The following STAC variants were observed in gnomAD, a reference collection of about 807,000 sequenced individuals.
STAC encodes SH3 and cysteine-rich domain-containing protein.
In STAC, 43 loss-of-function variants were observed where a neutral mutation model predicts 48.8. The observed-to-expected ratio is 0.88, with a 90% CI of 0.69 to 1.14. The LOEUF (loss-of-function observed/expected upper bound fraction) is 1.14. Among genes scored for constraint, STAC ranks in the 50% most tolerant of loss-of-function variants. The pLI is 0.00. For synonymous variants in STAC, 193 were observed against 179.5 expected, an observed-to-expected ratio of 1.07 and a Z score of -0.60; for missense variants, 497 against 504.0, an observed-to-expected ratio of 0.99 and a Z score of 0.13.
intron 2 of STAC, among the ~76,000 whole-genome samples, chr3:36,463,853 C>A (rs371989777): frequency 0.031 from 4,750 of 151,974 alleles, 219 homozygotes; most frequent in African/African-American, 0.11. Flanking sequence ...TGAACTCATC[C>A]TTTTTTATGG....
At chr3:36,445,041 T>A (rs1340507998) in intron 2 of STAC, among the ~76,000 whole-genome samples, 1 of 152,242 alleles carries the variant, frequency 6.6e-6, no homozygotes, top group Non-Finnish European at 1.5e-5. Context: ...TTCAAGGCAG[T>A]GTTATTCATA....
chr3:36,472,652 C>T (rs2125692665), intron 2 of STAC, among the ~76,000 whole-genome samples: 1 of 152,310 alleles, frequency 6.6e-6, no homozygotes, highest in South Asian at 2.1e-4. Flanking sequence ...ATCTCTAGGG[C>T]AGGGGCAAAA....
At chr3:36,533,904 A>G (rs1363132072) in intron 10 of STAC, among the ~76,000 whole-genome samples, 1 of 152,160 alleles carries the variant, frequency 6.6e-6, no homozygotes, top group Non-Finnish European at 1.5e-5. Context: ...GGTTTCTTAT[A>G]TAGGCAAATT....
At chr3:36,503,035 AG>A (rs1391003837) in intron 6 of STAC, among the ~76,000 whole-genome samples, 1 of 152,222 alleles carries the variant, frequency 6.6e-6, no homozygotes, top group Non-Finnish European at 1.5e-5. Context: ...GGCTATTTTA[AG>A]AACAGTAAAG....
At chr3:36,398,999 C>T (rs921315888) in intron 1 of STAC, among the ~76,000 whole-genome samples, 3 of 152,206 alleles carry the variant, frequency 2.0e-5, no homozygotes, top group Non-Finnish European at 2.9e-5. Context: ...TGTGGTCTCA[C>T]GTGAAGTCTT....
chr3:36,438,939 T>A (rs1696234504), intron 1 of STAC, among the ~76,000 whole-genome samples: 1 of 152,206 alleles, frequency 6.6e-6, no homozygotes, highest in Admixed American at 6.5e-5. Context: ...TTTATCACTT[T>A]TTAGAAATTT....
intron 2 of STAC, among the ~76,000 whole-genome samples, chr3:36,466,518 TA>T (rs1345818638): frequency 6.6e-6 from 1 of 152,236 alleles, no homozygotes; most frequent in African/African-American, 2.4e-5. Context: ...CAATATTGAT[TA>T]AACCCATTCA....
intron 2 of STAC, among the ~76,000 whole-genome samples, chr3:36,455,478 C>G (rs559754836): frequency 1.3e-5 from 2 of 152,320 alleles, no homozygotes; most frequent in African/African-American, 4.8e-5. Context: ...GAGAGGCTGC[C>G]TGCCTTTTGA....
intron 10 of STAC, among the ~76,000 whole-genome samples, chr3:36,536,085 A>C (rs1699191732): frequency 6.6e-6 from 1 of 152,110 alleles, no homozygotes; most frequent in South Asian, 2.1e-4. Flanking sequence ...TCAGCTGTAA[A>C]TCTGTCTGGT....
At chr3:36,514,191 C>A (rs929909193) in intron 8 of STAC, among the ~76,000 whole-genome samples, 1 of 136,126 alleles carries the variant, frequency 7.3e-6, no homozygotes, top group Non-Finnish European at 1.6e-5. Context: ...TCTGATCCAT[C>A]TACACTGGCC....
Position 36,431,195 on chromosome 3 carries a change from C to G in STAC, c.112-12169C>G, listed in dbSNP as rs142316900. On this transcript the variant is annotated intron_variant, in intron 1 of 10. Coordinates refer to ENST00000273183, the MANE Select transcript of STAC (RefSeq NM_003149.3). ...CTCACTGCTCTCAACAGTTTTTCTA[C>G]CTTTTAGACAGCCAGCCAGCCATCA... 1.5e-3 allele frequency among the ~76,000 whole-genome samples: 228 copies of G among 152,080 alleles called. 2 individuals are homozygous for G. The highest frequency in any genetic ancestry group is 5.1e-3 in the African/African-American group (210 of 41,544).
At chr3:36,516,545 A>G (rs1698677090) in intron 8 of STAC, among the ~76,000 whole-genome samples, 1 of 152,166 alleles carries the variant, frequency 6.6e-6, no homozygotes, top group Non-Finnish European at 1.5e-5. Context: ...CTTCCTTTAT[A>G]AATTAATTTG....
At chr3:36,523,965 CAGA>C (rs2125728028) in intron 8 of STAC, among the ~76,000 whole-genome samples, 1 of 152,270 alleles carries the variant, frequency 6.6e-6, no homozygotes, top group Non-Finnish European at 1.5e-5. Flanking sequence ...AAGGGCAACA[CAGA>C]AGGTTGCTGT....
intron 1 of STAC, among the ~76,000 whole-genome samples, chr3:36,429,044 T>C (rs560640383): frequency 1.3e-5 from 2 of 152,292 alleles, no homozygotes; most frequent in Non-Finnish European, 2.9e-5. Flanking sequence ...AGAGGTAGTA[T>C]GAAGTAGGTG....
rs867355253 is a variant in STAC at position 36,492,057 on chromosome 3, T to A, written c.688-1094T>A. Among the ~76,000 whole-genome samples the A allele has an allele frequency of 2.0e-3, 168 of 83,342 alleles. 2 individuals carry two copies. The highest frequency in any genetic ancestry group is 6.8e-3 in the African/African-American group (147 of 21,536). 54.7% of individuals were successfully genotyped at this position (83,342 alleles called of 152,430 possible). A position where few individuals can be genotyped will look rare whatever the true frequency, so the allele number is the denominator to read the frequency against. On this transcript the variant is annotated intron_variant, in intron 5 of 10. Coordinates refer to ENST00000273183, the MANE Select transcript of STAC (RefSeq NM_003149.3). ...ATATATATATATATATATATATATA[T>A]ATATATATATGTGACTGTCCTCAGA...
intron 6 of STAC, among the ~76,000 whole-genome samples, chr3:36,498,823 C>T (rs888912497): frequency 3.9e-5 from 6 of 151,994 alleles, no homozygotes; most frequent in African/African-American, 1.5e-4. Context: ...GAGAATTTTC[C>T]AGAATTGATT....
intron 2 of STAC, among the ~76,000 whole-genome samples, chr3:36,454,454 C>T (rs9820219): frequency 0.12 from 18,466 of 152,062 alleles, 1,329 homozygotes; most frequent in East Asian, 0.31. Context: ...GAACAAACTC[C>T]GGACACGCCA....
At chr3:36,519,177 G>C (rs1488324760) in intron 8 of STAC, among the ~76,000 whole-genome samples, 1 of 152,196 alleles carries the variant, frequency 6.6e-6, no homozygotes, top group East Asian at 1.9e-4. Flanking sequence ...CAGGGGCAAA[G>C]GCAAGCCCCA....
At chr3:36,495,008 T>G (rs1698101676) in intron 6 of STAC, among the ~76,000 whole-genome samples, 1 of 152,158 alleles carries the variant, frequency 6.6e-6, no homozygotes, top group African/African-American at 2.4e-5. Flanking sequence ...CTGACACTCT[T>G]CTCATCAACA....
Sources: allele counts gnomAD v4.1 joint callset (sites outside exome capture counted in the v4.1 genomes callset), GRCh38; gene constraint gnomAD v4.1.1; transcripts MANE v1.5; gene names NCBI Gene and HGNC (gene_info 2026-07-23, HGNC 2026-07-21).